DNAH17: variants seen among roughly 807,000 people sequenced by gnomAD.
The protein encoded by DNAH17 is dynein axonemal heavy chain 17, also known as axonemal beta dynein heavy chain 17.
DNAH17 carries 376 observed loss-of-function variants against 485.6 expected under a neutral mutation model. The observed-to-expected ratio is 0.77, with a 90% confidence interval of 0.71 to 0.84. DNAH17 has a LOEUF of 0.84. DNAH17 is among the 40% of genes least tolerant of loss of function. The pLI, the probability that DNAH17 is intolerant of heterozygous loss-of-function variation, is 0.00. For synonymous variants in DNAH17, 3,031 were observed against 2,405.9 expected, an observed-to-expected ratio of 1.26 and a Z score of -7.60; for missense variants, 6,370 against 5,839.3, an observed-to-expected ratio of 1.09 and a Z score of -2.96.
intron 37 of DNAH17, 142 bp from the exon 38 acceptor site, chr17:78,496,174 CCTTTT>C (rs1288416301): frequency 3.0e-6 from 3 of 986,258 alleles, no homozygotes; most frequent in South Asian, 1.9e-5. Flanking sequence ...TTAAATTAAG[CCTTTT>C]ATTTTTGAGA....
Position 78,449,540 on chromosome 17 carries a change from A to AG in DNAH17, c.11084dup (p.Ala3696CysfsTer64). ...TCACCCGCTGCTTCACCTCGTTGGC[A>AG]GGGGTGGTCCTCTGGATGGCTTTCT... On this transcript the variant is annotated frameshift_variant, in exon 69 of 81. Coordinates refer to ENST00000389840, the MANE Select transcript of DNAH17 (RefSeq NM_173628.4). LOFTEE classifies it high-confidence loss of function. 6.2e-7 allele frequency: 1 copy of AG among 1,603,464 alleles called. No individual in the cohort carries two copies. The highest frequency in any genetic ancestry group is 8.5e-7 in the Non-Finnish European group (1 of 1,175,428).
chr17:78,441,651 GT>G (rs2146460759), intron 71 of DNAH17, among the ~76,000 whole-genome samples: 1 of 152,306 alleles, frequency 6.6e-6, no homozygotes, highest in Admixed American at 6.5e-5. Flanking sequence ...TAAGTCTGGG[GT>G]CAGTCGGGGT....
At chr17:78,502,750 G>A (rs2090344280) in intron 32 of DNAH17, 52 bp from the exon 33 acceptor site, 1 of 1,598,612 alleles carries the variant, frequency 6.3e-7, no homozygotes, top group Non-Finnish European at 8.5e-7. Context: ...GCTGGCGCCT[G>A]CTAACGCAGA....
In DNAH17 at chr17:78,499,045, C is replaced by T. The variant is rs748568021; in HGVS notation, c.5708G>A (p.Arg1903His). The change falls in exon 37 of 81, where the codon CGC (arginine) becomes CAC (histidine). Residue 1903 changes from arginine (R) to histidine (H), a missense_variant. Physicochemically the swap from Arg to His is conservative, Grantham distance 29 (BLOSUM62 0). Transcript: ENST00000389840. ...GAWGCFDEFN[R>H]ISVEVLSVIA... is the part of the protein sequence containing the mutation. Reference sequence around the variant, plus strand: ...CACAGACAAGACTTCCACTGAGATGCGATTAAACTCGTCAAAGCAGCCCCA... The same window carrying T: ...CACAGACAAGACTTCCACTGAGATGTGATTAAACTCGTCAAAGCAGCCCCA... 10 of 1,610,474 alleles carry T rather than the reference C, an allele frequency of 6.2e-6. No individual in the cohort carries two copies. In the African/African-American group the frequency reaches 8.0e-5, roughly 13 times the overall value.
intron 31 of DNAH17, among the ~76,000 whole-genome samples, chr17:78,503,903 T>C (rs560880916): frequency 1.3e-3 from 198 of 148,512 alleles, no homozygotes; most frequent in African/African-American, 4.7e-3. Context: ...GAAGTGGAGG[T>C]TGCAGTGAGC....
rs188960279 is a variant in DNAH17 at position 78,547,821 on chromosome 17, T to C, written c.2391+3714A>G. 8.1e-4 allele frequency among the ~76,000 whole-genome samples: 124 copies of C among 152,238 alleles called. 1 individual carries two copies. The East Asian group carries it at 0.013, about 15-fold the overall frequency. ...TTAGTAGAGACAGGGTTTCGCCATG[T>C]GGGCCAGGCTGGTCTTGAACTCCTG... On this transcript the variant is annotated intron_variant, in intron 16 of 80. Coordinates refer to ENST00000389840, the MANE Select transcript of DNAH17 (RefSeq NM_173628.4).
rs62073553 is a variant in DNAH17, at chr17:78,507,478, C to T, written c.4564G>A (p.Asp1522Asn). 9 of 1,612,244 alleles carry T rather than the reference C, an allele frequency of 5.6e-6. No individual in the cohort carries two copies. The highest frequency in any genetic ancestry group is 3.3e-5 in the Admixed American group (2 of 59,956). The stretch of plus-strand genomic sequence containing the variant: ...CTCACCTTGAATTCCTGGTTGATGT[C>T]GTCAAAGCGCTGGGAGTCCCCCGGG... ...QLPGDSQRFD[D>N]INQEFKALME... The change falls in exon 28 of 81, where the codon GAC becomes AAC. Residue 1522 changes from aspartate to asparagine, a missense_variant. Physicochemically the swap from Asp to Asn is conservative, Grantham distance 23. Coordinates refer to ENST00000389840, the MANE Select transcript of DNAH17 (RefSeq NM_173628.4).
At chr17:78,524,106 C>T (rs960717308) in intron 25 of DNAH17, among the ~76,000 whole-genome samples, 1 of 152,112 alleles carries the variant, frequency 6.6e-6, no homozygotes, top group Non-Finnish European at 1.5e-5. Context: ...GTCATCGGGG[C>T]GTGGCCCTCA....
intron 61 of DNAH17, 41 bp from the exon 62 acceptor site, chr17:78,458,721 G>A (rs528498727): frequency 1.9e-6 from 3 of 1,542,496 alleles, no homozygotes; most frequent in East Asian, 2.2e-5. Flanking sequence ...AACCCCACGA[G>A]GCATCTCTAG....
intron 75 of DNAH17, among the ~76,000 whole-genome samples, chr17:78,430,920 T>C (rs1055914117): frequency 6.7e-6 from 1 of 149,346 alleles, no homozygotes; most frequent in Non-Finnish European, 1.5e-5. Context: ...TTGTTCCATG[T>C]CCCAGGCTGG....
chr17:78,435,032 C>G (rs1284766214), intron 74 of DNAH17, among the ~76,000 whole-genome samples: 1 of 152,212 alleles, frequency 6.6e-6, no homozygotes, highest in Admixed American at 6.5e-5. Context: ...ACAGGCCCCT[C>G]TGGCAACATG....
intron 25 of DNAH17, chr17:78,522,518 G>A: frequency 3.1e-6 from 1 of 318,144 alleles, no homozygotes; most frequent in African/African-American, 2.3e-5. Flanking sequence ...GGAGGGACAA[G>A]ACCCTGAAGA....
At chr17:78,574,202 G>T (rs571677738) in intron 2 of DNAH17, among the ~76,000 whole-genome samples, 2 of 152,282 alleles carry the variant, frequency 1.3e-5, no homozygotes, top group South Asian at 2.1e-4. Flanking sequence ...TAGACAGCAG[G>T]TCTGTGGCCG....
chr17:78,532,328 G>A (rs889246166), intron 20 of DNAH17, among the ~76,000 whole-genome samples, 154 bp downstream of exon 20: 2 of 152,162 alleles, frequency 1.3e-5, no homozygotes, highest in Non-Finnish European at 2.9e-5. Flanking sequence ...GTAACAAACT[G>A]CCTTTCTAAT....
At chr17:78,545,448 G>A (rs1446103460) in intron 16 of DNAH17, among the ~76,000 whole-genome samples, 1 of 152,166 alleles carries the variant, frequency 6.6e-6, no homozygotes, top group Non-Finnish European at 1.5e-5. Flanking sequence ...TTTGGTTCCA[G>A]GTGAGGGCTC....
chr17:78,439,275 C>T, intron 72 of DNAH17, 58 bp from the exon 73 acceptor site: 2 of 1,536,192 alleles, frequency 1.3e-6, no homozygotes, highest in African/African-American at 1.4e-5. Flanking sequence ...CAGGTTCAGG[C>T]TCTGTGATCT....
intron 31 of DNAH17, among the ~76,000 whole-genome samples, chr17:78,503,407 G>C (rs1468261036): frequency 6.8e-6 from 1 of 148,106 alleles, no homozygotes; most frequent in Admixed American, 6.8e-5. Flanking sequence ...GGATGGTCTC[G>C]ATCTCCTGAC....
In DNAH17 at chr17:78,548,997, G is replaced by T. The variant is rs543953010; in HGVS notation, c.2391+2538C>A. Among the ~76,000 whole-genome samples the T allele has an allele frequency of 2.1e-3, 327 of 152,356 alleles. 2 individuals carry two copies. The highest frequency in any genetic ancestry group is 3.5e-3 in the Non-Finnish European group (241 of 68,042). ...ATGGACGTGATGAGGAAAGTGATGG[G>T]GATGGAGACACAGGAGGTCAGCTGA... is the stretch of plus-strand genomic sequence containing the variant. On this transcript the variant is annotated intron_variant, in intron 16 of 80. Transcript: ENST00000389840.
intron 63 of DNAH17, among the ~76,000 whole-genome samples, chr17:78,455,393 T>C (rs1197383889): frequency 1.3e-5 from 2 of 151,812 alleles, no homozygotes; most frequent in African/African-American, 4.8e-5. Context: ...TAGTGTGATC[T>C]CTGCTCACTG....
Sources: gnomAD v4.1 joint callset for allele counts (sites outside exome capture counted in the v4.1 genomes callset) on GRCh38, gnomAD v4.1.1 for gene constraint, MANE v1.5 for transcripts, NCBI Gene and HGNC (gene_info 2026-07-23, HGNC 2026-07-21) for gene names.